Variants in SNRNP200 observed in about 807,000 individuals in gnomAD.
The protein encoded by SNRNP200 is U5 small nuclear ribonucleoprotein 200 kDa helicase.
Under a neutral mutation model 255.2 loss-of-function variants are expected in SNRNP200, and 66 were observed. The observed-to-expected ratio is 0.26, with a 90% confidence interval of 0.21 to 0.32. The LOEUF (loss-of-function observed/expected upper bound fraction) is 0.32. SNRNP200 is among the 10% of genes least tolerant of loss of function. The pLI, the probability that SNRNP200 is intolerant of heterozygous loss-of-function variation, is 1.00. For missense variants in SNRNP200, 1,585 were observed against 2,749.8 expected (o/e 0.58, Z 9.47); for synonymous variants, 939 against 1,027.8 (o/e 0.91, Z 1.65).
At chr2:96,304,055 C>G (rs994432779) in intron 2 of SNRNP200, among the ~76,000 whole-genome samples, 7 of 151,738 alleles carry the variant, frequency 4.6e-5, no homozygotes, top group Non-Finnish European at 8.8e-5. Context: ...TATAACAAAA[C>G]TGGAAAAGAA....
chr2:96,288,975 T>G, intron 23 of SNRNP200, 62 bp downstream of exon 23: 1 of 1,462,706 alleles, frequency 6.8e-7, no homozygotes, highest in East Asian at 2.4e-5. Flanking sequence ...GTTCATCTTT[T>G]AGAAGATTAT....
rs1466705953 is a variant in SNRNP200 at position 96,278,293 on chromosome 2, C to T, written c.5554G>A (p.Ala1852Thr). 1 of 1,614,094 alleles carries T rather than the reference C, an allele frequency of 6.2e-7. No homozygotes were observed. Among genetic ancestry groups the T allele is most frequent in the African/African-American group, 1.3e-5 (1 of 74,930 alleles). The change falls in exon 39 of 45, where the codon GCA becomes ACA. Residue 1852 changes from alanine to threonine, a missense_variant. By Grantham distance (58) the Ala-to-Thr change is moderately conservative (BLOSUM62 0). Transcript: ENST00000323853. The surrounding 1 kb of genome is among the most constrained non-coding windows in gnomAD (Gnocchi z 6.9). ...VRGLIEIISNAAEYENIPIRH... is the reference protein window; with the variant it reads ...VRGLIEIISNTAEYENIPIRH... ...ATGGGAATGTTCTCATACTCTGCTG[C>T]ATTGGAGATGATCTCGATAAGCCCT...
chr2:96,277,124 T>C lies in SNRNP200; in HGVS notation c.6049A>G (p.Ile2017Val), dbSNP rs758653449. The C allele has an allele frequency of 6.2e-7, 1 of 1,614,190 alleles. No individual in the cohort carries two copies. The highest frequency in any genetic ancestry group is 8.5e-7 in the Non-Finnish European group (1 of 1,180,034). The change falls in exon 42 of 45, where the codon ATC becomes GTC. Residue 2017 changes from isoleucine (I) to valine (V), a missense_variant. Around this residue, in one of 9 missense-constraint regions of SNRNP200, gnomAD observed 279 missense variants for 551.2 expected, o/e 0.51. Transcript: ENST00000323853. This position sits in a 1 kb window ranked among gnomAD's most constrained non-coding sequence, Gnocchi z 4.4. ...VARFCNRYPN[I>V]ELSYEVVDKD... Reference sequence around the variant, plus strand: ...TCTACCACCTCATAAGATAGTTCGATATTAGGGTAGCGGTTACAAAAGCGA... The same window carrying C: ...TCTACCACCTCATAAGATAGTTCGACATTAGGGTAGCGGTTACAAAAGCGA...
intron 23 of SNRNP200, 111 bp downstream of exon 23, chr2:96,288,926 A>C: frequency 9.0e-7 from 1 of 1,108,376 alleles, no homozygotes; most frequent in Admixed American, 2.0e-5. Flanking sequence ...AAAAACTAGG[A>C]GAACTGAGCA....
chr2:96,302,855 G>A (rs1330428589), intron 3 of SNRNP200, among the ~76,000 whole-genome samples: 2 of 152,178 alleles, frequency 1.3e-5, no homozygotes, highest in Non-Finnish European at 2.9e-5. Flanking sequence ...CAGGCATGTG[G>A]GAATGGGTGT....
Position 96,301,513 on chromosome 2 carries a change from C to T in SNRNP200, c.574+11G>A, listed in dbSNP as rs772071869. 55 of 1,613,658 alleles carry T rather than the reference C, an allele frequency of 3.4e-5. 1 individual carries two copies. Among genetic ancestry groups the T allele is most frequent in the African/African-American group, 2.8e-4 (21 of 74,898 alleles). On this transcript the variant is annotated intron_variant, in intron 4 of 44. Coordinates refer to ENST00000323853, the MANE Select transcript of SNRNP200 (RefSeq NM_014014.5). The stretch of plus-strand genomic sequence containing the variant: ...CAATGAACATGATCAGAACATAAAG[C>T]GCGCACTTACCCATATTTTGGATTT...
Position 96,286,125 on chromosome 2 carries a change from A to G in SNRNP200, c.4003+186T>C, listed in dbSNP as rs2063842367. The stretch of plus-strand genomic sequence containing the variant: ...CTCTATTGCCCCTCCACAGTGACAC[A>G]TGCAGAGCAGCAAAGCAACCAAAGG... On this transcript the variant is annotated intron_variant, in intron 29 of 44. Transcript: ENST00000323853. The surrounding 1 kb of genome is among the most constrained non-coding windows in gnomAD (Gnocchi z 4.8). Among the ~76,000 whole-genome samples, 1 of 152,216 alleles carries G rather than the reference A, an allele frequency of 6.6e-6. No individual in the cohort carries two copies. Among genetic ancestry groups the G allele is most frequent in the Admixed American group, 6.5e-5 (1 of 15,288 alleles).
chr2:96,293,838 A>G (rs930876638), intron 14 of SNRNP200, among the ~76,000 whole-genome samples: 3 of 152,234 alleles, frequency 2.0e-5, no homozygotes, highest in African/African-American at 7.2e-5. Context: ...CAGAAGCTTC[A>G]CCTCTGGCAG....
intron 11 of SNRNP200, 145 bp downstream of exon 11, chr2:96,297,218 G>T: frequency 2.0e-6 from 3 of 1,480,804 alleles, no homozygotes. Flanking sequence ...TGTCCCCTGG[G>T]CTCAAAATCA....
chr2:96,292,994 A>G lies in SNRNP200; in HGVS notation c.2138T>C (p.Met713Thr). 6.2e-7 allele frequency: 1 copy of G among 1,614,210 alleles called. No homozygotes were observed. The highest frequency in any genetic ancestry group is 8.5e-7 in the Non-Finnish European group (1 of 1,180,036). ...AACCTGATTTTTTCCAGCATGTTCC[A>G]TGATTTTTTCATAGACGATTTCATT... is the stretch of plus-strand genomic sequence containing the variant. ...IMNEIVYEKI[M>T]EHAGKNQVLV... The change falls in exon 16 of 45, where the codon ATG becomes ACG. Residue 713 changes from methionine (M) to threonine (T), a missense_variant. Physicochemically the swap from Met to Thr is moderately conservative, Grantham distance 81 (BLOSUM62 -1). Transcript: ENST00000323853.
At position 96,298,274 on chromosome 2, in the gene SNRNP200, C is replaced by T. The variant is rs776545090; in HGVS notation, c.1119+10G>A. On this transcript the variant is annotated intron_variant, in intron 9 of 44. Transcript: ENST00000323853. ...CAGAAATCAGACAGATAAACCAACC[C>T]AGTCCTTACTCGGATCAGATCCTCC... 2 of 1,614,108 alleles carry T rather than the reference C, an allele frequency of 1.2e-6. No homozygotes were observed. The highest frequency in any genetic ancestry group is 1.3e-5 in the African/African-American group (1 of 74,932).
Position 96,291,266 on chromosome 2 carries a change from C to G in SNRNP200, c.2421+126G>C. The G allele has an allele frequency of 1.3e-6, 1 of 771,770 alleles. No individual in the cohort carries two copies. The highest frequency in any genetic ancestry group is 2.4e-6 in the Non-Finnish European group (1 of 421,468). The allele number at this position is 771,770 out of a possible 1,614,324, so 47.8% of individuals were successfully genotyped here. On this transcript the variant is annotated intron_variant, in intron 18 of 44. Transcript: ENST00000323853. This position sits in a 1 kb window ranked among gnomAD's most constrained non-coding sequence, Gnocchi z 4.2. ...TTCTATTTATTGTGTCCACCACAAC[C>G]CTCTGACCTGGGCTAGCTGGGCCAG...
intron 31 of SNRNP200, 31 bp from the exon 32 acceptor site, chr2:96,284,035 C>T (rs1410217824): frequency 1.9e-6 from 3 of 1,545,864 alleles, no homozygotes; most frequent in East Asian, 4.8e-5. Flanking sequence ...AGGGTCACTG[C>T]AGGCCAAGGC....
chr2:96,290,523 G>C lies in SNRNP200; in HGVS notation c.2554-9C>G. The stretch of plus-strand genomic sequence containing the variant: ...CCGGCACGTCCCAGCATCTAGATCA[G>C]AGACAGCGAACCAAGAATGCTATGT... On this transcript the variant is annotated splice_polypyrimidine_tract_variant and intron_variant, in intron 19 of 44. Coordinates refer to ENST00000323853, the MANE Select transcript of SNRNP200 (RefSeq NM_014014.5). The surrounding 1 kb of genome is among the most constrained non-coding windows in gnomAD (Gnocchi z 4.5). The C allele has an allele frequency of 6.2e-7, 1 of 1,614,218 alleles. No individual in the cohort carries two copies. The highest frequency in any genetic ancestry group is 2.2e-5 in the East Asian group (1 of 44,890).
intron 29 of SNRNP200, 65 bp from the exon 30 acceptor site, chr2:96,285,405 G>T: frequency 6.4e-7 from 1 of 1,553,126 alleles, no homozygotes; most frequent in Non-Finnish European, 8.9e-7. Context: ...CTGGGACATG[G>T]ATCAATTGTC....
rs1309826553 is a variant in SNRNP200 at position 96,286,621 on chromosome 2, G to A, written c.3829+67C>T. ...CCAGCAAGGGCAAGCCCGGGACAAA[G>A]TGCAAGACATTCTTCTACTGTCCTT... On this transcript the variant is annotated intron_variant, in intron 28 of 44. Coordinates refer to ENST00000323853, the MANE Select transcript of SNRNP200 (RefSeq NM_014014.5). The surrounding 1 kb of genome is among the most constrained non-coding windows in gnomAD (Gnocchi z 4.8). 4 of 1,599,242 alleles carry A rather than the reference G, an allele frequency of 2.5e-6. No homozygotes were observed. The African/African-American group carries it at 5.4e-5, about 21-fold the overall frequency.
chr2:96,298,701 G>A lies in SNRNP200; in HGVS notation c.884C>T (p.Thr295Met), dbSNP rs368983658. The A allele has an allele frequency of 3.7e-6, 6 of 1,614,106 alleles. No homozygotes were observed. The highest frequency in any genetic ancestry group is 2.2e-5 in the East Asian group (1 of 44,884). Residue 295 changes from threonine to methionine, a missense_variant and splice_region_variant, in exon 8 of 45, where the codon ACG becomes ATG. Thr to Met is a moderately conservative substitution (Grantham distance 81, BLOSUM62 -1). Coordinates refer to ENST00000323853, the MANE Select transcript of SNRNP200 (RefSeq NM_014014.5). The part of the protein sequence containing the change: ...KADEVLEILK[T>M]ASDDRECENQ... The stretch of plus-strand genomic sequence containing the variant: ...TTCACATTCCCGATCATCACTGGCC[G>A]TCTGCAGAGAGCAGGTAACACCACC...
At chr2:96,276,746 GA>G in intron 43 of SNRNP200, 157 bp downstream of exon 43, 1 of 830,522 alleles carries the variant, frequency 1.2e-6, no homozygotes, top group East Asian at 2.5e-5. Flanking sequence ...GAAACAAACA[GA>G]AAAAAAACCC....
Position 96,289,911 on chromosome 2 carries a change from A to C in SNRNP200, c.2828T>G (p.Leu943Arg). 6.2e-7 allele frequency: 1 copy of C among 1,614,146 alleles called. No individual in the cohort carries two copies. Among genetic ancestry groups the C allele is most frequent in the Non-Finnish European group, 8.5e-7 (1 of 1,180,006 alleles). Reference sequence around the variant, plus strand: ...CTGGTCCAGCAGGGGATCTCCCTTGAGGTCATCATGAGAGATGCCATAGAG... The same window carrying C: ...CTGGTCCAGCAGGGGATCTCCCTTGCGGTCATCATGAGAGATGCCATAGAG... ...PTLYGISHDD[L>R]KGDPLLDQRR... The change falls in exon 21 of 45, where the codon CTC becomes CGC. Residue 943 changes from leucine to arginine, a missense_variant. By Grantham distance (102) the Leu-to-Arg change is moderately radical. Coordinates refer to ENST00000323853, the MANE Select transcript of SNRNP200 (RefSeq NM_014014.5).
Sources: allele counts gnomAD v4.1 joint callset (sites outside exome capture counted in the v4.1 genomes callset), GRCh38; gene constraint gnomAD v4.1.1; regional missense constraint gnomAD v4.1.1; non-coding constraint Gnocchi (gnomAD v3.1); transcripts MANE v1.5; gene names NCBI Gene and HGNC (gene_info 2026-07-23, HGNC 2026-07-21).